FRYL: variants seen among roughly 807,000 people sequenced by gnomAD.
FRYL encodes the protein FRY like transcription coactivator, also known as protein furry homolog-like.
FRYL carries 150 observed loss-of-function variants against 351.2 expected under a neutral mutation model. The ratio of observed to expected loss-of-function variants is 0.43; its 90% CI spans 0.37 to 0.49. The LOEUF is 0.49. Ranked by LOEUF, FRYL falls within the 20% of genes least tolerant of loss-of-function variation. FRYL has a pLI of 0.00. For synonymous variants in FRYL, 1,153 were observed against 1,257.1 expected (o/e 0.92, Z 1.75); for missense variants, 3,036 against 3,619.3 (o/e 0.84, Z 4.13).
At chr4:48,779,385 G>A (rs1056255428) in intron 1 of FRYL, among the ~76,000 whole-genome samples, 13 of 152,170 alleles carry the variant, frequency 8.5e-5, no homozygotes, top group Non-Finnish European at 2.9e-5. Flanking sequence ...TCCGGGTCCC[G>A]GGGTACGCCA....
rs1188262825 is a variant in FRYL, at chr4:48,564,067, T to C, written c.3477A>G (p.Leu1159=). 6.2e-7 allele frequency: 1 copy of C among 1,614,050 alleles called. No individual in the cohort carries two copies. The highest frequency in any genetic ancestry group is 8.5e-7 in the Non-Finnish European group (1 of 1,180,018). The change falls in exon 31 of 64, where the codon TTA becomes TTG. Residue 1159 remains leucine (L), a synonymous_variant. Coordinates refer to ENST00000358350, the MANE Select transcript of FRYL (RefSeq NM_015030.2). The stretch of plus-strand genomic sequence containing the variant: ...TGCTCTGATCAGGGTTCAGCTCCAG[T>C]AACAACGTAACTGCTTCACAGCCCA... ...HQLGCEAVTL[L]LELNPDQSNL... is the part of the protein sequence containing the mutation.
At chr4:48,562,771 C>T in intron 32 of FRYL, 118 bp downstream of exon 32, 1 of 631,778 alleles carries the variant, frequency 1.6e-6, no homozygotes. Context: ...GATACCATAA[C>T]TTCTTTACTA....
intron 3 of FRYL, among the ~76,000 whole-genome samples, chr4:48,658,444 AG>A (rs1419184840): frequency 6.6e-6 from 1 of 152,026 alleles, no homozygotes; most frequent in Admixed American, 6.6e-5. Flanking sequence ...AGAGACTGAA[AG>A]GTTTTAGGTA....
Position 48,543,883 on chromosome 4 carries a change from G to A in FRYL, c.5516C>T (p.Pro1839Leu). 1.2e-6 allele frequency: 2 copies of A among 1,613,920 alleles called. No homozygotes were observed. The highest frequency in any genetic ancestry group is 1.7e-6 in the Non-Finnish European group (2 of 1,179,844). The stretch of plus-strand genomic sequence containing the variant: ...ATCAGAAAGTGTAGTTGCAGTGAGA[G>A]GCTGCTTTAGGGCCCTGAAAATCTG... ...SFQIFRALKQ[P>L]LTATTLSDVL... Residue 1839 changes from proline to leucine, a missense_variant, in exon 44 of 64, where the codon CCT becomes CTT. This residue lies in a region of FRYL where 1,987 missense variants were observed against 2,311.7 expected (regional missense o/e 0.86). Transcript: ENST00000358350.
intron 1 of FRYL, among the ~76,000 whole-genome samples, chr4:48,730,423 CG>C (rs1277484841): frequency 6.6e-6 from 1 of 152,104 alleles, no homozygotes; most frequent in East Asian, 1.9e-4. Context: ...CCCCAAGCCA[CG>C]TAATTGTCAG....
chr4:48,539,904 C>T (rs896880984), intron 47 of FRYL, 67 bp downstream of exon 47: 1 of 1,133,754 alleles, frequency 8.8e-7, no homozygotes, highest in Admixed American at 2.1e-5. Flanking sequence ...GAGATTTCCC[C>T]CTCCTTTAAC....
intron 50 of FRYL, among the ~76,000 whole-genome samples, chr4:48,530,108 CT>C (rs1290129151): frequency 6.6e-6 from 1 of 152,132 alleles, no homozygotes; most frequent in Non-Finnish European, 1.5e-5. Flanking sequence ...CAGGCACCTC[CT>C]TTAGTATGTT....
rs115923418 is a variant in FRYL at position 48,592,349 on chromosome 4, C to T, written c.1336-1519G>A. Among the ~76,000 whole-genome samples the T allele has an allele frequency of 3.6e-3, 548 of 151,986 alleles. 4 individuals are homozygous for T. The highest frequency in any genetic ancestry group is 0.013 in the African/African-American group (518 of 41,424). On this transcript the variant is annotated intron_variant, in intron 16 of 63. Transcript: ENST00000358350. Reference sequence around the variant, plus strand: ...AATGGATAATTTTATCTAGCTTTAACTACATGAGCTCTTACAAAAGTCCTT... The same window carrying T: ...AATGGATAATTTTATCTAGCTTTAATTACATGAGCTCTTACAAAAGTCCTT...
At chr4:48,503,392 G>T (rs908796044) in intron 60 of FRYL, among the ~76,000 whole-genome samples, 27 of 152,214 alleles carry the variant, frequency 1.8e-4, no homozygotes, top group African/African-American at 5.8e-4. Context: ...GCCATAACTG[G>T]TGCTGAGCCA....
chr4:48,705,876 G>A (rs189252158), intron 2 of FRYL, among the ~76,000 whole-genome samples: 39 of 151,700 alleles, frequency 2.6e-4, no homozygotes, highest in Middle Eastern at 3.4e-3. Flanking sequence ...TCACTCTGTC[G>A]CCCAGGCTGG....
chr4:48,565,699 T>TA lies in FRYL; in HGVS notation c.3170-9dup. 1 of 1,596,832 alleles carries TA rather than the reference T, an allele frequency of 6.3e-7. No homozygotes were observed. The highest frequency in any genetic ancestry group is 8.5e-7 in the Non-Finnish European group (1 of 1,175,568). On this transcript the variant is annotated splice_polypyrimidine_tract_variant and intron_variant, in intron 28 of 63. Coordinates refer to ENST00000358350, the MANE Select transcript of FRYL (RefSeq NM_015030.2). ...TACTTCTTCTCTGGTGCACTGTGAA[T>TA]AAAAAAAGATAGAAAACATTTATTT...
intron 7 of FRYL, 99 bp downstream of exon 7, chr4:48,619,175 G>T: frequency 1.3e-6 from 1 of 777,186 alleles, no homozygotes; most frequent in Non-Finnish European, 2.2e-6. Context: ...ATTTATGTGG[G>T]CTAAAATTCT....
intron 1 of FRYL, among the ~76,000 whole-genome samples, chr4:48,711,237 T>C (rs1767969271): frequency 6.6e-6 from 1 of 152,222 alleles, no homozygotes; most frequent in Non-Finnish European, 1.5e-5. Context: ...CAGCGCACCG[T>C]GCGCGAGCCG....
At chr4:48,614,313 C>T (rs1490078269) in intron 7 of FRYL, among the ~76,000 whole-genome samples, 1 of 152,126 alleles carries the variant, frequency 6.6e-6, no homozygotes, top group Admixed American at 6.5e-5. Context: ...AAACGTTCTA[C>T]TTTCATGGAG....
intron 59 of FRYL, 83 bp from the exon 60 acceptor site, chr4:48,505,698 A>G: frequency 1.2e-6 from 1 of 820,518 alleles, no homozygotes; most frequent in Non-Finnish European, 2.0e-6. Context: ...ACCAAACTTA[A>G]AGTTAACTTG....
intron 1 of FRYL, among the ~76,000 whole-genome samples, chr4:48,767,351 C>T (rs943386439): frequency 6.6e-6 from 1 of 152,064 alleles, no homozygotes; most frequent in Non-Finnish European, 1.5e-5. Flanking sequence ...GAAATCTGAC[C>T]GAATGATCCA....
At chr4:48,558,821 T>C (rs971170237) in intron 33 of FRYL, among the ~76,000 whole-genome samples, 1 of 152,216 alleles carries the variant, frequency 6.6e-6, no homozygotes, top group Non-Finnish European at 1.5e-5. Flanking sequence ...ATGGCCAAGA[T>C]TCAAACCACA....
Position 48,561,645 on chromosome 4 carries a change from A to AC in FRYL, c.3697-10_3697-9insG. 6.3e-7 allele frequency: 1 copy of AC among 1,593,004 alleles called. No individual in the cohort carries two copies. Among genetic ancestry groups the AC allele is most frequent in the Non-Finnish European group, 8.6e-7 (1 of 1,168,942 alleles). The stretch of plus-strand genomic sequence containing the variant: ...ATCTTCGGTTCCAGAATCTATAGGA[A>AC]TGTGATTCCATCAACTTAGGTTAAG... On this transcript the variant is annotated splice_polypyrimidine_tract_variant and intron_variant, in intron 32 of 63. Transcript: ENST00000358350.
intron 28 of FRYL, 115 bp from the exon 29 acceptor site, chr4:48,565,806 T>C: frequency 9.3e-7 from 1 of 1,077,650 alleles, no homozygotes; most frequent in Non-Finnish European, 1.3e-6. Context: ...AGTTTTCATT[T>C]TAAACTATCA....
Sources: allele counts gnomAD v4.1 joint callset (sites outside exome capture counted in the v4.1 genomes callset), GRCh38; gene constraint gnomAD v4.1.1; regional missense constraint gnomAD v4.1.1; transcripts MANE v1.5; gene names NCBI Gene and HGNC (gene_info 2026-07-23, HGNC 2026-07-21).